The following PCDH11Y variants were observed in gnomAD, a reference collection of about 807,000 sequenced individuals.
PCDH11Y encodes the protein protocadherin 11 Y-linked.
For synonymous variants in PCDH11Y, 9 were observed against 83.6 expected (o/e 0.11, Z 4.87); for missense variants, 12 against 224.8 (o/e 0.05, Z 6.05).
chrY:5,027,235 A>C, intron 1 of PCDH11Y, among the ~76,000 whole-genome samples: 1 of 31,585 alleles, frequency 3.2e-5, no homozygotes, highest in Non-Finnish European at 7.6e-5. Flanking sequence ...GCACCACTGC[A>C]CTCTATCCTG....
chrY:5,477,901 C>G, intron 2 of PCDH11Y, among the ~76,000 whole-genome samples: 1 of 33,154 alleles, frequency 3.0e-5, no homozygotes, highest in Non-Finnish European at 7.5e-5. Flanking sequence ...TGATTCTTCT[C>G]TCTTTTCTTC....
chrY:5,363,063 A>G, intron 2 of PCDH11Y, among the ~76,000 whole-genome samples: 1 of 33,054 alleles, frequency 3.0e-5, no homozygotes, highest in South Asian at 6.5e-4. Context: ...ATACTTTAAA[A>G]TTAAAATTAA....
At chrY:5,695,364 G>A (rs1602961059) in intron 4 of PCDH11Y, among the ~76,000 whole-genome samples, 1 of 20,921 alleles carries the variant, frequency 4.8e-5, no homozygotes, top group Non-Finnish European at 1.1e-4. Flanking sequence ...CTTCATAGGT[G>A]TGTTTCTTTA....
intron 1 of PCDH11Y, among the ~76,000 whole-genome samples, chrY:5,093,712 T>A: frequency 3.3e-5 from 1 of 30,484 alleles, no homozygotes; most frequent in Non-Finnish European, 8.0e-5. Flanking sequence ...TTTGAAATTG[T>A]TTTCTGGACA....
chrY:5,228,756 G>C, intron 2 of PCDH11Y, among the ~76,000 whole-genome samples: 1 of 32,800 alleles, frequency 3.0e-5, no homozygotes, highest in African/African-American at 1.2e-4. Context: ...TTTATTTCTA[G>C]TTGTATTTCA....
intron 2 of PCDH11Y, among the ~76,000 whole-genome samples, chrY:5,458,905 TAAAGA>T (rs2053300767): frequency 3.2e-5 from 1 of 31,004 alleles, no homozygotes; most frequent in African/African-American, 1.2e-4. Flanking sequence ...GAATAAGAAA[TAAAGA>T]AAAGGGCCAA....
At chrY:5,217,598 G>T in intron 2 of PCDH11Y, among the ~76,000 whole-genome samples, 1 of 32,822 alleles carries the variant, frequency 3.0e-5, no homozygotes, top group African/African-American at 1.2e-4. Context: ...CTAGCTATTG[G>T]GTGTAGCCTT....
chrY:5,076,637 A>G, intron 1 of PCDH11Y, among the ~76,000 whole-genome samples: 3 of 33,568 alleles, frequency 8.9e-5, no homozygotes, highest in Non-Finnish European at 1.5e-4. Flanking sequence ...GCATGTGGAT[A>G]TCAGGTTTTT....
At chrY:5,457,454 C>G in intron 2 of PCDH11Y, among the ~76,000 whole-genome samples, 5 of 33,260 alleles carry the variant, frequency 1.5e-4, no homozygotes. Context: ...AAAAATCAAC[C>G]AAAAGCACTT....
intron 1 of PCDH11Y, among the ~76,000 whole-genome samples, chrY:5,028,433 G>A (rs2124620951): frequency 3.0e-5 from 1 of 33,841 alleles, no homozygotes; most frequent in South Asian, 6.4e-4. Flanking sequence ...AATTCAAGTA[G>A]TTTATCTTTT....
chrY:5,144,574 C>T (rs2052854906), intron 2 of PCDH11Y, among the ~76,000 whole-genome samples: 2 of 33,174 alleles, frequency 6.0e-5, no homozygotes, highest in Non-Finnish European at 1.5e-4. Flanking sequence ...AATGATGGTT[C>T]ATCTGTGGGT....
intron 2 of PCDH11Y, among the ~76,000 whole-genome samples, chrY:5,330,265 G>C: frequency 3.0e-5 from 1 of 32,976 alleles, no homozygotes; most frequent in African/African-American, 1.2e-4. Context: ...GTTAAGGCAA[G>C]GACCGGCCAT....
chrY:5,477,854 G>A, intron 2 of PCDH11Y, among the ~76,000 whole-genome samples: 1 of 32,970 alleles, frequency 3.0e-5, no homozygotes, highest in Non-Finnish European at 7.5e-5. Context: ...TGGGATCAGT[G>A]GTGCTATTCT....
intron 1 of PCDH11Y, among the ~76,000 whole-genome samples, chrY:5,065,562 C>G: frequency 3.0e-5 from 1 of 32,819 alleles, no homozygotes; most frequent in Non-Finnish European, 7.5e-5. Flanking sequence ...CTTCATACTC[C>G]TTAAAAAGCC....
At chrY:5,613,692 G>A in intron 4 of PCDH11Y, among the ~76,000 whole-genome samples, 1 of 30,357 alleles carries the variant, frequency 3.3e-5, no homozygotes, top group Non-Finnish European at 7.9e-5. Context: ...GTATGTCAGC[G>A]GGGCTGTCAT....
intron 2 of PCDH11Y, among the ~76,000 whole-genome samples, chrY:5,112,786 A>T: frequency 2.9e-5 from 1 of 34,301 alleles, no homozygotes; most frequent in African/African-American, 1.1e-4. Flanking sequence ...TCTGATTTTG[A>T]GTAGAGTTAG....
At chrY:5,431,860 G>A (rs1602924489) in intron 2 of PCDH11Y, among the ~76,000 whole-genome samples, 4 of 33,224 alleles carry the variant, frequency 1.2e-4, no homozygotes, top group African/African-American at 2.3e-4. Context: ...TCACAGATTT[G>A]GAGTTATACA....
chrY:5,091,047 A>C, intron 1 of PCDH11Y, among the ~76,000 whole-genome samples: 1 of 32,830 alleles, frequency 3.0e-5, no homozygotes, highest in Non-Finnish European at 7.6e-5. Flanking sequence ...GTGGCATTTC[A>C]TTTGTATTGC....
At chrY:5,336,600 CAAAAAAA>C in intron 2 of PCDH11Y, among the ~76,000 whole-genome samples, 1 of 4,239 alleles carries the variant, frequency 2.4e-4, no homozygotes, top group South Asian at 4.9e-3. Flanking sequence ...CCAGGCATAC[CAAAAAAA>C]AAAAAAAAAA....
Sources: allele counts gnomAD v4.1 joint callset (sites outside exome capture counted in the v4.1 genomes callset), GRCh38; gene constraint gnomAD v4.1.1; transcripts MANE v1.5; gene names NCBI Gene and HGNC (gene_info 2026-07-23, HGNC 2026-07-21).